The following MAP2K1 variants were observed in gnomAD, a reference collection of about 807,000 sequenced individuals.
The protein encoded by MAP2K1 is mitogen-activated protein kinase kinase 1, also known as dual specificity mitogen-activated protein kinase kinase 1.
In MAP2K1, 16 loss-of-function variants were observed where a neutral mutation model predicts 46.3. The ratio of observed to expected loss-of-function variants is 0.35; its 90% confidence interval spans 0.23 to 0.52. The LOEUF (loss-of-function observed/expected upper bound fraction) is 0.52, where lower values mean the gene tolerates loss of function less well. Ranked by LOEUF, MAP2K1 falls within the 20% of genes least tolerant of loss-of-function variation. The pLI is 0.94. For missense variants in MAP2K1, 263 were observed against 497.1 expected, an observed-to-expected ratio of 0.53 and a Z score of 4.48; for synonymous variants, 183 against 185.6, an observed-to-expected ratio of 0.99 and a Z score of 0.11.
chr15:66,462,015 A>G (rs1026278800), intron 5 of MAP2K1, among the ~76,000 whole-genome samples: 1 of 152,308 alleles, frequency 6.6e-6, no homozygotes, highest in East Asian at 1.9e-4. Flanking sequence ...TGCGTATACA[A>G]TGCTGGGCTC....
At chr15:66,418,008 C>G (rs1320110702) in intron 1 of MAP2K1, among the ~76,000 whole-genome samples, 2 of 151,994 alleles carry the variant, frequency 1.3e-5, no homozygotes, top group Non-Finnish European at 2.9e-5. Flanking sequence ...AAGAATTGGA[C>G]AAAATGCACA....
rs1003037030 is a variant in MAP2K1, at chr15:66,402,612, C to T, written c.80+15185C>T. The stretch of plus-strand genomic sequence containing the variant: ...TTATAGTTTCTTAATAATTCTCTTG[C>T]GTCCTGAGTTAATATTTCAAATACG... On this transcript the variant is annotated intron_variant, in intron 1 of 10. Coordinates refer to ENST00000307102, the MANE Select transcript of MAP2K1 (RefSeq NM_002755.4). Among the ~76,000 whole-genome samples, 10 of 152,096 alleles carry T rather than the reference C, an allele frequency of 6.6e-5. No individual in the cohort carries two copies. The East Asian group carries it at 7.7e-4, about 12-fold the overall frequency.
At chr15:66,472,008 C>T (rs929548693) in intron 5 of MAP2K1, among the ~76,000 whole-genome samples, 1 of 131,466 alleles carries the variant, frequency 7.6e-6, no homozygotes, top group African/African-American at 3.0e-5. Context: ...ACCGGGGAGG[C>T]GGAGGTTGCA....
At chr15:66,489,087 A>G in intron 8 of MAP2K1, 128 bp from the exon 9 acceptor site, 1 of 760,702 alleles carries the variant, frequency 1.3e-6, no homozygotes, top group Admixed American at 1.9e-5. Context: ...TGAGAGTAGT[A>G]CTGCCTTTGG....
intron 5 of MAP2K1, among the ~76,000 whole-genome samples, chr15:66,449,594 C>T (rs1891979388): frequency 6.6e-6 from 1 of 152,206 alleles, no homozygotes; most frequent in Non-Finnish European, 1.5e-5. Flanking sequence ...AAAATGGTAA[C>T]TGTAGGCTGG....
At chr15:66,444,438 C>A (rs1595865747) in intron 4 of MAP2K1, among the ~76,000 whole-genome samples, 1 of 151,972 alleles carries the variant, frequency 6.6e-6, no homozygotes. Context: ...GGGGCTGAGG[C>A]AGGAGAATCA....
chr15:66,436,652 C>A (rs2093488788), intron 2 of MAP2K1, 94 bp from the exon 3 acceptor site: 3 of 1,265,520 alleles, frequency 2.4e-6, no homozygotes, highest in Non-Finnish European at 3.5e-6. Flanking sequence ...CCTCCCTCTA[C>A]CTTAAAGAGC....
At chr15:66,422,755 T>C (rs2093446681) in intron 1 of MAP2K1, among the ~76,000 whole-genome samples, 1 of 152,082 alleles carries the variant, frequency 6.6e-6, no homozygotes, top group African/African-American at 2.4e-5. Context: ...TCGATCTGGA[T>C]GTTTGTTGTT....
chr15:66,484,143 C>T (rs543953929), intron 6 of MAP2K1, among the ~76,000 whole-genome samples: 1 of 151,328 alleles, frequency 6.6e-6, no homozygotes, highest in Non-Finnish European at 1.5e-5. Context: ...GCCACCACCC[C>T]CCCCCACCTT....
At chr15:66,420,835 A>C (rs2093438558) in intron 1 of MAP2K1, among the ~76,000 whole-genome samples, 1 of 107,146 alleles carries the variant, frequency 9.3e-6, no homozygotes, top group Non-Finnish European at 2.0e-5. Flanking sequence ...ATATGTGTAT[A>C]TATATGTGTG....
In MAP2K1 at chr15:66,485,053, C is replaced by G. The variant is rs2140674289; in HGVS notation, c.757C>G (p.Leu253Val). ...AGACATCTGGAGCATGGGACTGTCTCTGGTAGAGATGGCGGTTGGGAGGTA... is the reference window on the plus strand; with the variant it reads ...AGACATCTGGAGCATGGGACTGTCTGTGGTAGAGATGGCGGTTGGGAGGTA... ...QSDIWSMGLS[L>V]VEMAVGRYPI... The change falls in exon 7 of 11, where the codon CTG (leucine) becomes GTG (valine). Residue 253 changes from leucine (L) to valine (V), a missense_variant. By Grantham distance (32) the Leu-to-Val change is conservative. This residue lies in a region of MAP2K1 where 118 missense variants were observed against 193.0 expected (regional missense o/e 0.61). Transcript: ENST00000307102. 1 of 1,613,906 alleles carries G rather than the reference C, an allele frequency of 6.2e-7. No individual in the cohort carries two copies. The highest frequency in any genetic ancestry group is 8.5e-7 in the Non-Finnish European group (1 of 1,180,044).
chr15:66,483,743 A>ATT (rs1892969076), intron 6 of MAP2K1, among the ~76,000 whole-genome samples: 4 of 126,392 alleles, frequency 3.2e-5, no homozygotes, highest in Non-Finnish European at 7.0e-5. Context: ...TTTGACATAC[A>ATT]TTTTCTTTTT....
chr15:66,479,747 A>AG (rs1892868217), intron 5 of MAP2K1, among the ~76,000 whole-genome samples: 1 of 152,214 alleles, frequency 6.6e-6, no homozygotes. Context: ...GTGGTGAGGC[A>AG]GACAGCCAAC....
intron 1 of MAP2K1, among the ~76,000 whole-genome samples, chr15:66,434,127 A>T (rs936801528): frequency 2.0e-5 from 3 of 152,200 alleles, no homozygotes; most frequent in African/African-American, 7.2e-5. Flanking sequence ...GTAGCTGCAA[A>T]TGAAGTGATT....
chr15:66,490,568 A>G lies in MAP2K1; in HGVS notation c.1135A>G (p.Ile379Val), dbSNP rs373794940. ...VDFAGWLCST[I>V]GLNQPSTPTH... ...TTTTGCAGGTTGGCTCTGCTCCACC[A>G]TCGGCCTTAACCAGCCCAGCACACC... The change falls in exon 11 of 11, where the codon ATC becomes GTC. Residue 379 changes from isoleucine (I) to valine (V), a missense_variant. Coordinates refer to ENST00000307102, the MANE Select transcript of MAP2K1 (RefSeq NM_002755.4). The G allele has an allele frequency of 1.1e-5, 17 of 1,614,090 alleles. No homozygotes were observed. Among genetic ancestry groups the G allele is most frequent in the African/African-American group, 5.3e-5 (4 of 74,926 alleles).
At chr15:66,454,426 T>A (rs1892112389) in intron 5 of MAP2K1, among the ~76,000 whole-genome samples, 1 of 152,244 alleles carries the variant, frequency 6.6e-6, no homozygotes, top group South Asian at 2.1e-4. Context: ...CCTAAAGGGT[T>A]GTATGCAGAT....
intron 5 of MAP2K1, among the ~76,000 whole-genome samples, chr15:66,466,301 C>G (rs1205815369): frequency 3.9e-5 from 6 of 152,214 alleles, no homozygotes; most frequent in Non-Finnish European, 5.9e-5. Context: ...AAGAATACTC[C>G]CACATAGTTT....
At chr15:66,438,721 T>C (rs967092138) in intron 3 of MAP2K1, among the ~76,000 whole-genome samples, 2 of 152,146 alleles carry the variant, frequency 1.3e-5, no homozygotes, top group Non-Finnish European at 2.9e-5. Flanking sequence ...TCTGGAGTTA[T>C]CGTGGAGAGC....
At chr15:66,438,956 A>C (rs1443455390) in intron 3 of MAP2K1, among the ~76,000 whole-genome samples, 2 of 152,154 alleles carry the variant, frequency 1.3e-5, no homozygotes, top group Non-Finnish European at 2.9e-5. Flanking sequence ...AGTGGTAGTG[A>C]AGAGGCTCAG....
Sources: gnomAD v4.1 joint callset for allele counts (sites outside exome capture counted in the v4.1 genomes callset) on GRCh38, gnomAD v4.1.1 for gene constraint, gnomAD v4.1.1 regional missense constraint, MANE v1.5 for transcripts, NCBI Gene and HGNC (gene_info 2026-07-23, HGNC 2026-07-21) for gene names.